DIP2C: variants seen among roughly 807,000 people sequenced by gnomAD.
The protein encoded by DIP2C is disco-interacting protein 2 homolog C.
In DIP2C, 33 loss-of-function variants were observed where a neutral mutation model predicts 192.4. The ratio of observed to expected loss-of-function variants is 0.17; its 90% CI spans 0.13 to 0.23. The LOEUF (loss-of-function observed/expected upper bound fraction) is 0.23, where lower values mean the gene tolerates loss of function less well. Ranked by LOEUF, DIP2C falls within the 10% of genes least tolerant of loss-of-function variation. The probability of loss-of-function intolerance (pLI) is 1.00; values close to 1 mark genes in which losing one functional copy is unlikely to be tolerated. For missense variants in DIP2C, 1,537 were observed against 2,110.1 expected (o/e 0.73, Z 5.32); for synonymous variants, 979 against 864.1 (o/e 1.13, Z -2.33).
intron 1 of DIP2C, among the ~76,000 whole-genome samples, chr10:493,842 C>A (rs1193641356): frequency 1.3e-5 from 2 of 152,254 alleles, no homozygotes; most frequent in African/African-American, 2.4e-5. Flanking sequence ...ACAGTCTCAG[C>A]AAGTCCGAGA....
At chr10:483,506 G>A (rs185683378) in intron 2 of DIP2C, among the ~76,000 whole-genome samples, 10 of 152,206 alleles carry the variant, frequency 6.6e-5, no homozygotes, top group East Asian at 3.9e-4. Flanking sequence ...ACCGCTGTCC[G>A]GAGTCCCCCC....
intron 1 of DIP2C, among the ~76,000 whole-genome samples, chr10:576,989 A>G (rs1019624069): frequency 4.6e-5 from 7 of 152,200 alleles, no homozygotes; most frequent in Non-Finnish European, 1.0e-4. Context: ...TTAAAATATA[A>G]AATTCATTAG....
intron 32 of DIP2C, among the ~76,000 whole-genome samples, chr10:303,545 C>CA (rs1717394227): frequency 6.6e-6 from 1 of 150,404 alleles, no homozygotes; most frequent in Admixed American, 6.6e-5. Flanking sequence ...TTTTTTGAGA[C>CA]AGAGTTTTGC....
At chr10:371,016 G>A (rs777194347) in intron 17 of DIP2C, among the ~76,000 whole-genome samples, 2 of 152,090 alleles carry the variant, frequency 1.3e-5, no homozygotes, top group African/African-American at 4.8e-5. Context: ...AAACCCACAC[G>A]GAACTACCTA....
intron 2 of DIP2C, 142 bp downstream of exon 2, chr10:486,317 G>A (rs1266502752): frequency 1.5e-6 from 1 of 686,666 alleles, no homozygotes; most frequent in Non-Finnish European, 2.4e-6. Context: ...TCACTCAAAG[G>A]AACTGAATGC....
rs749922574 is a variant in DIP2C at position 362,614 on chromosome 10, A to G, written c.2670T>C (p.Leu890=). The change falls in exon 22 of 37, where the codon CTT becomes CTC. Residue 890 remains leucine (L), a synonymous_variant. Coordinates refer to ENST00000280886, the MANE Select transcript of DIP2C (RefSeq NM_014974.3). ...VPANTLPKTP[L]GGIHLSETKQ... The stretch of plus-strand genomic sequence containing the variant: ...TTGTTTCTGATAAATGGATCCCACC[A>G]AGCGGGGTTTTGGGGAGGGTGTTTG... 1.8e-5 allele frequency: 29 copies of G among 1,614,064 alleles called. No homozygotes were observed. The Admixed American group carries it at 4.2e-4, about 23-fold the overall frequency.
intron 1 of DIP2C, among the ~76,000 whole-genome samples, chr10:611,318 CCTT>C (rs1314942574): frequency 2.0e-5 from 3 of 152,180 alleles, no homozygotes; most frequent in Non-Finnish European, 2.9e-5. Flanking sequence ...GCCGATTAAA[CCTT>C]TTTTCCTTAT....
intron 32 of DIP2C, among the ~76,000 whole-genome samples, chr10:294,559 A>G (rs1287314596): frequency 3.3e-5 from 5 of 151,366 alleles, no homozygotes; most frequent in Non-Finnish European, 7.4e-5. Flanking sequence ...ATGCCACTGC[A>G]CTCCAGCCTG....
chr10:400,113 T>C (rs1254454901), intron 9 of DIP2C, among the ~76,000 whole-genome samples: 2 of 151,766 alleles, frequency 1.3e-5, no homozygotes, highest in Non-Finnish European at 2.9e-5. Context: ...GGCACAATCA[T>C]AGCTCACTGC....
intron 1 of DIP2C, among the ~76,000 whole-genome samples, chr10:583,369 CAGGG>C (rs1322650482): frequency 6.6e-6 from 1 of 152,192 alleles, no homozygotes; most frequent in African/African-American, 2.4e-5. Flanking sequence ...TGAATTATCC[CAGGG>C]AGCCTGTTTG....
chr10:671,507 C>T lies in DIP2C; in HGVS notation c.85+17987G>A, dbSNP rs1184642008. ...GCCACAGACGCACGGACGGAGGAAA[C>T]AGGCCACAGACGCACGGACGGAGGA... is the stretch of plus-strand genomic sequence containing the variant. On this transcript the variant is annotated intron_variant, in intron 1 of 36. Coordinates refer to ENST00000280886, the MANE Select transcript of DIP2C (RefSeq NM_014974.3). Among the ~76,000 whole-genome samples the T allele has an allele frequency of 1.3e-3, 128 of 100,370 alleles. 3 individuals carry two copies. The highest frequency in any genetic ancestry group is 1.9e-3 in the Non-Finnish European group (97 of 50,472). 65.8% of individuals were successfully genotyped at this position (100,370 alleles called of 152,430 possible). A position where few individuals can be genotyped will look rare whatever the true frequency, so the allele number is the denominator to read the frequency against.
chr10:421,920 A>C (rs1159632556), intron 5 of DIP2C, among the ~76,000 whole-genome samples: 2 of 152,192 alleles, frequency 1.3e-5, no homozygotes, highest in African/African-American at 4.8e-5. Context: ...CTGAGACCCA[A>C]GTCAATCCAA....
intron 1 of DIP2C, among the ~76,000 whole-genome samples, chr10:590,211 TGTCAGGCCAGGGGCAACC>T (rs1293137573): frequency 1.3e-5 from 2 of 152,212 alleles, no homozygotes; most frequent in Non-Finnish European, 2.9e-5. Flanking sequence ...GAGGCTCGAA[TGTCAGGCCAGGGGCAACC>T]AAGGTAGTTA....
chr10:543,425 C>A (rs138691610), intron 1 of DIP2C, among the ~76,000 whole-genome samples: 304 of 152,374 alleles, frequency 2.0e-3, no homozygotes, highest in African/African-American at 6.5e-3. Context: ...GGAAATTAAA[C>A]TGACGTTGCC....
At position 277,260 on chromosome 10, in the gene DIP2C, C is replaced by T; in HGVS notation, c.*65G>A. 1 of 1,584,518 alleles carries T rather than the reference C, an allele frequency of 6.3e-7. No individual in the cohort carries two copies. The highest frequency in any genetic ancestry group is 8.6e-7 in the Non-Finnish European group (1 of 1,168,496). ...GTGAGTGTTGCCCTGTGTCTGCACG[C>T]TTCAGTGGACACGGAGAACAATGTC... On this transcript the variant is annotated 3_prime_UTR_variant, in exon 37 of 37. Transcript: ENST00000280886.
At chr10:297,121 G>C (rs941032632) in intron 32 of DIP2C, among the ~76,000 whole-genome samples, 7 of 151,988 alleles carry the variant, frequency 4.6e-5, no homozygotes, top group Non-Finnish European at 4.4e-5. Context: ...TTGAACCGGG[G>C]AGGCAGAGGT....
At chr10:670,183 CGTGTGTACAT>C (rs997502754) in intron 1 of DIP2C, among the ~76,000 whole-genome samples, 2 of 152,112 alleles carry the variant, frequency 1.3e-5, no homozygotes, top group Non-Finnish European at 2.9e-5. Flanking sequence ...AACATGTACA[CGTGTGTACAT>C]GTGTGCACAT....
rs1168883959 is a variant in DIP2C, at chr10:337,056, G to GCA, written c.3584+4142_3584+4143insTG. On this transcript the variant is annotated intron_variant, in intron 29 of 36. Coordinates refer to ENST00000280886, the MANE Select transcript of DIP2C (RefSeq NM_014974.3). Reference sequence around the variant, plus strand: ...GTTGTGGAGGCCTAGACTGGTGTGTGTGTGTGTGTGTGTGTGTTGTGGAGG... The same window carrying GCA: ...GTTGTGGAGGCCTAGACTGGTGTGTGCATGTGTGTGTGTGTGTGTTGTGGAGG... Among the ~76,000 whole-genome samples, 10 of 126,044 alleles carry GCA rather than the reference G, an allele frequency of 7.9e-5. 1 individual carries two copies. The highest frequency in any genetic ancestry group is 1.0e-4 in the Non-Finnish European group (6 of 59,756). 82.7% of individuals were successfully genotyped at this position (126,044 alleles called of 152,430 possible).
At chr10:681,882 A>G (rs1831147377) in intron 1 of DIP2C, among the ~76,000 whole-genome samples, 1 of 152,238 alleles carries the variant, frequency 6.6e-6, no homozygotes, top group Admixed American at 6.5e-5. Flanking sequence ...CTGTTCGGCA[A>G]CTGTGCCTGT....
Sources: allele counts gnomAD v4.1 joint callset (sites outside exome capture counted in the v4.1 genomes callset), GRCh38; gene constraint gnomAD v4.1.1; transcripts MANE v1.5; gene names NCBI Gene and HGNC (gene_info 2026-07-23, HGNC 2026-07-21).